Variants in ADAMTSL1 observed in about 807,000 individuals in gnomAD.
The protein encoded by ADAMTSL1 is ADAMTS-like protein 1.
ADAMTSL1 carries 126 observed loss-of-function variants against 201.8 expected under a neutral mutation model. The observed-to-expected ratio is 0.62, with a 90% CI of 0.54 to 0.72. The LOEUF (loss-of-function observed/expected upper bound fraction) is 0.72. Among genes scored for constraint, ADAMTSL1 ranks in the 30% least tolerant of loss-of-function variants. The probability of loss-of-function intolerance (pLI) is 0.00; values close to 1 mark genes in which losing one functional copy is unlikely to be tolerated. For synonymous variants in ADAMTSL1, 1,121 were observed against 903.4 expected (o/e 1.24, Z -4.32); for missense variants, 2,679 against 2,277.8 (o/e 1.18, Z -3.59).
intron 2 of ADAMTSL1, among the ~76,000 whole-genome samples, chr9:18,292,615 G>A (rs1275513973): frequency 6.6e-6 from 1 of 152,156 alleles, no homozygotes; most frequent in Non-Finnish European, 1.5e-5. Context: ...GGAGAAGATG[G>A]AAGAGCAGAC....
At chr9:18,413,086 G>C (rs1214561193) in intron 2 of ADAMTSL1, among the ~76,000 whole-genome samples, 1 of 151,488 alleles carries the variant, frequency 6.6e-6, no homozygotes, top group East Asian at 1.9e-4. Flanking sequence ...ATTTGTGTAA[G>C]AGAAGAATTA....
In ADAMTSL1 at chr9:18,899,212, A is replaced by G. The variant is rs140817428; in HGVS notation, c.4852-6570A>G. Among the ~76,000 whole-genome samples, 425 of 152,350 alleles carry G rather than the reference A, an allele frequency of 2.8e-3. 1 individual carries two copies. Among genetic ancestry groups the G allele is most frequent in the African/African-American group, 9.7e-3 (403 of 41,578 alleles). ...CCCATTCACAATTGCTACAAAAAGA[A>G]TAAAATACCTAGGAATACAGCAAAC... On this transcript the variant is annotated intron_variant, in intron 26 of 28. Transcript: ENST00000380548.
chr9:18,088,419 T>C (rs143479931), intron 1 of ADAMTSL1, among the ~76,000 whole-genome samples: 60 of 152,220 alleles, frequency 3.9e-4, no homozygotes, highest in Admixed American at 2.9e-3. Flanking sequence ...ACTGAAGAGC[T>C]TTTAGACAGC....
At chr9:18,805,229 T>A (rs1823034317) in intron 20 of ADAMTSL1, among the ~76,000 whole-genome samples, 1 of 152,248 alleles carries the variant, frequency 6.6e-6, no homozygotes. Context: ...GTCCAGATAT[T>A]GTTACCAGTT....
At chr9:18,831,476 T>A (rs1180469678) in intron 23 of ADAMTSL1, among the ~76,000 whole-genome samples, 3 of 152,256 alleles carry the variant, frequency 2.0e-5, no homozygotes, top group Admixed American at 2.0e-4. Flanking sequence ...AGGTGCCATT[T>A]AGCATGCTGG....
intron 1 of ADAMTSL1, among the ~76,000 whole-genome samples, chr9:18,067,975 AGGATAATTT>A (rs1485143192): frequency 6.6e-6 from 1 of 152,196 alleles, no homozygotes; most frequent in African/African-American, 2.4e-5. Context: ...AGCTTTCGAC[AGGATAATTT>A]TTTTAAAAAC....
intron 2 of ADAMTSL1, among the ~76,000 whole-genome samples, chr9:18,310,396 A>C (rs1285094596): frequency 7.0e-6 from 1 of 142,672 alleles, no homozygotes; most frequent in African/African-American, 2.7e-5. Flanking sequence ...AAAAAAAAAA[A>C]AAACTATCTT....
rs765996340 is a variant in ADAMTSL1, at chr9:18,721,583, C to G, written c.1924C>G (p.Pro642Ala). ...CTGCTTGAACAAACAGACTCGGGAG[C>G]CTGCTGAGGAGAACCTGTGCGTGAC... The part of the protein sequence containing the change: ...VSCLNKQTRE[P>A]AEENLCVTSR... Residue 642 changes from proline to alanine, a missense_variant, in exon 15 of 29, where the codon CCT (proline) becomes GCT (alanine). Pro to Ala is a conservative substitution (Grantham distance 27, BLOSUM62 -1). Coordinates refer to ENST00000380548, the MANE Select transcript of ADAMTSL1 (RefSeq NM_001040272.6). 2 of 1,613,966 alleles carry G rather than the reference C, an allele frequency of 1.2e-6. No homozygotes were observed. The highest frequency in any genetic ancestry group is 1.7e-6 in the Non-Finnish European group (2 of 1,179,870).
At chr9:18,469,287 T>C (rs952083417), upstream of ADAMTSL1, among the ~76,000 whole-genome samples, 3 of 152,202 alleles carry the variant, frequency 2.0e-5, no homozygotes, top group African/African-American at 7.2e-5. Context: ...CACAGATTGC[T>C]TGGGTTCAGA....
intron 23 of ADAMTSL1, among the ~76,000 whole-genome samples, chr9:18,857,958 T>C (rs955162640): frequency 8.5e-5 from 13 of 152,298 alleles, no homozygotes; most frequent in African/African-American, 2.9e-4. Context: ...CTTTCCCTGC[T>C]CCAGCCCTAG....
chr9:18,183,186 A>G (rs1178868202), intron 2 of ADAMTSL1, among the ~76,000 whole-genome samples: 1 of 152,214 alleles, frequency 6.6e-6, no homozygotes, highest in Non-Finnish European at 1.5e-5. Context: ...ACATGCAAAA[A>G]ATTAAATCTG....
rs951741763 is a variant in ADAMTSL1 at position 18,115,748 on chromosome 9, C to T, written c.88-48114C>T. ...CATGGCCACATAGCCTGGTACTTTACAAATAGTGATTTTACAAATAGTGAT... is the reference window on the plus strand; with the variant it reads ...CATGGCCACATAGCCTGGTACTTTATAAATAGTGATTTTACAAATAGTGAT... On this transcript the variant is annotated intron_variant, in intron 1 of 29. Coordinates refer to the ADAMTSL1 transcript ENST00000680146. Among the ~76,000 whole-genome samples the T allele has an allele frequency of 2.0e-5, 3 of 152,096 alleles. No individual in the cohort carries two copies. In the South Asian group the frequency reaches 6.2e-4, roughly 32 times the overall value.
At chr9:17,987,431 GT>G (rs1818973083) in intron 1 of ADAMTSL1, among the ~76,000 whole-genome samples, 1 of 152,088 alleles carries the variant, frequency 6.6e-6, no homozygotes, top group Non-Finnish European at 1.5e-5. Context: ...TATTGCATTG[GT>G]TGAACACTAC....
At chr9:18,135,253 G>C (rs1369372112) in intron 1 of ADAMTSL1, among the ~76,000 whole-genome samples, 1 of 152,126 alleles carries the variant, frequency 6.6e-6, no homozygotes, top group Admixed American at 6.5e-5. Context: ...TCTTTTAACT[G>C]AGGGCTCCAT....
At chr9:18,561,415 T>C (rs1821488872) in intron 3 of ADAMTSL1, among the ~76,000 whole-genome samples, 1 of 152,214 alleles carries the variant, frequency 6.6e-6, no homozygotes. Context: ...ATTTCTGTTC[T>C]TTTGCATTTG....
intron 16 of ADAMTSL1, among the ~76,000 whole-genome samples, chr9:18,755,039 T>G (rs1819670735): frequency 6.6e-6 from 1 of 152,212 alleles, no homozygotes; most frequent in Non-Finnish European, 1.5e-5. Flanking sequence ...GGCTATCAAC[T>G]CCGTCTTATG....
chr9:18,383,329 C>G (rs1837640963), intron 2 of ADAMTSL1, among the ~76,000 whole-genome samples: 1 of 151,998 alleles, frequency 6.6e-6, no homozygotes, highest in Non-Finnish European at 1.5e-5. Context: ...GACACTGTCA[C>G]CCCGGGTTAA....
rs1300480933 is a variant in ADAMTSL1, at chr9:18,909,345, C to T, written c.*797C>T. On this transcript the variant is annotated 3_prime_UTR_variant, in exon 29 of 29. Coordinates refer to ENST00000380548, the MANE Select transcript of ADAMTSL1 (RefSeq NM_001040272.6). ...GTGCGCATGCTCAGAGCCCTGCTGC[C>T]CACAACAGAGCACTGCGCTGCGTGG... The T allele has an allele frequency of 6.6e-6, 1 of 152,318 alleles. No individual in the cohort carries two copies. The highest frequency in any genetic ancestry group is 6.5e-5 in the Admixed American group (1 of 15,292). The allele number at this position is 152,318 out of a possible 1,614,324, so 9.4% of individuals were successfully genotyped here.
At chr9:18,343,936 T>C (rs1453020641) in intron 2 of ADAMTSL1, among the ~76,000 whole-genome samples, 3 of 152,146 alleles carry the variant, frequency 2.0e-5, no homozygotes, top group Non-Finnish European at 2.9e-5. Context: ...ATTCCGCCTA[T>C]GCAAATCTCT....
Sources: gnomAD v4.1 joint callset for allele counts (sites outside exome capture counted in the v4.1 genomes callset) on GRCh38, gnomAD v4.1.1 for gene constraint, MANE v1.5 for transcripts, NCBI Gene and HGNC (gene_info 2026-07-23, HGNC 2026-07-21) for gene names.